The following ANTXR1 variants were observed in gnomAD, a reference collection of about 807,000 sequenced individuals.
ANTXR1 encodes anthrax toxin receptor 1.
ANTXR1 carries 19 observed loss-of-function variants against 78.1 expected under a neutral mutation model. The ratio of observed to expected loss-of-function variants is 0.24; its 90% CI spans 0.17 to 0.36. ANTXR1 has a LOEUF of 0.36. Ranked by LOEUF, ANTXR1 falls within the 10% of genes least tolerant of loss-of-function variation. ANTXR1 has a pLI of 1.00. For synonymous variants in ANTXR1, 273 were observed against 260.5 expected (o/e 1.05, Z -0.46); for missense variants, 518 against 718.6 (o/e 0.72, Z 3.19).
intron 14 of ANTXR1, among the ~76,000 whole-genome samples, chr2:69,179,371 A>G (rs1674216658): frequency 6.6e-6 from 1 of 151,766 alleles, no homozygotes; most frequent in African/African-American, 2.4e-5. Context: ...ATATGGCAAA[A>G]CCCCATCTTT....
chr2:69,062,019 G>A (rs976555977), intron 3 of ANTXR1, among the ~76,000 whole-genome samples: 1 of 152,198 alleles, frequency 6.6e-6, no homozygotes, highest in African/African-American at 2.4e-5. Flanking sequence ...CTGAATTAGA[G>A]AGAAACAAAC....
intron 13 of ANTXR1, among the ~76,000 whole-genome samples, chr2:69,155,264 G>C (rs1461074636): frequency 3.9e-5 from 6 of 152,156 alleles, no homozygotes; most frequent in Admixed American, 3.3e-4. Flanking sequence ...GTGTTTCCCA[G>C]CTTGTTCCTC....
At chr2:69,238,387 G>A (rs564285751) in intron 17 of ANTXR1, among the ~76,000 whole-genome samples, 5 of 152,116 alleles carry the variant, frequency 3.3e-5, no homozygotes, top group African/African-American at 9.7e-5. Flanking sequence ...GGACATAGCC[G>A]GCACTTAAAA....
intron 1 of ANTXR1, among the ~76,000 whole-genome samples, chr2:69,015,970 AAATC>A (rs1671013627): frequency 6.6e-6 from 1 of 152,156 alleles, no homozygotes; most frequent in Admixed American, 6.5e-5. Flanking sequence ...AGAAATGAAA[AAATC>A]AAACAATATG....
intron 1 of ANTXR1, among the ~76,000 whole-genome samples, chr2:69,033,772 T>C (rs553884266): frequency 9.7e-4 from 148 of 152,370 alleles, no homozygotes; most frequent in Non-Finnish European, 1.9e-3. Context: ...TCCTTGGTGA[T>C]GGTTCCAACT....
At chr2:69,196,797 G>T (rs745547386) in intron 17 of ANTXR1, among the ~76,000 whole-genome samples, 2 of 152,182 alleles carry the variant, frequency 1.3e-5, no homozygotes, top group Non-Finnish European at 2.9e-5. Context: ...ATTCTAAGTT[G>T]CTTCAGACAC....
chr2:69,071,695 G>A, intron 4 of ANTXR1, 59 bp from the exon 5 acceptor site: 1 of 1,556,392 alleles, frequency 6.4e-7, no homozygotes, highest in South Asian at 1.1e-5. Context: ...TATCCACTAT[G>A]GTTTTTGGAG....
At chr2:69,112,832 G>A (rs927169792) in intron 10 of ANTXR1, among the ~76,000 whole-genome samples, 1 of 152,220 alleles carries the variant, frequency 6.6e-6, no homozygotes, top group Non-Finnish European at 1.5e-5. Flanking sequence ...TGCAGAGACT[G>A]TGTTAGTGGA....
chr2:69,178,868 C>G (rs1045975875), intron 14 of ANTXR1, among the ~76,000 whole-genome samples: 1 of 152,274 alleles, frequency 6.6e-6, no homozygotes, highest in African/African-American at 2.4e-5. Context: ...ATTAGATGAG[C>G]TCCTAAAAAA....
intron 3 of ANTXR1, among the ~76,000 whole-genome samples, chr2:69,066,593 A>G (rs1670406606): frequency 1.3e-5 from 2 of 152,242 alleles, no homozygotes; most frequent in South Asian, 4.1e-4. Flanking sequence ...CTAGAACAAC[A>G]GAAAGCCCAG....
At chr2:69,226,684 A>G (rs572467299) in intron 17 of ANTXR1, among the ~76,000 whole-genome samples, 3 of 152,286 alleles carry the variant, frequency 2.0e-5, no homozygotes, top group African/African-American at 7.2e-5. Context: ...TAGAGGTCAT[A>G]CCGTTTGTCA....
chr2:69,013,225 C>T lies in ANTXR1; in HGVS notation c.-275C>T, dbSNP rs1430703578. 1.8e-6 allele frequency: 1 copy of T among 545,204 alleles called. No individual in the cohort carries two copies. The highest frequency in any genetic ancestry group is 3.3e-6 in the Non-Finnish European group (1 of 306,772). 33.8% of individuals were successfully genotyped at this position (545,204 alleles called of 1,614,324 possible). A position where few individuals can be genotyped will look rare whatever the true frequency, so the allele number is the denominator to read the frequency against. ...AAGCTCGGCGCGGCCTCGGGAGCTG[C>T]CCGGCGGCCCCGGACCGAGGCAGCC... is the stretch of plus-strand genomic sequence containing the variant. On this transcript the variant is annotated 5_prime_UTR_variant, in exon 1 of 18. Coordinates refer to ENST00000303714, the MANE Select transcript of ANTXR1 (RefSeq NM_032208.3). This position sits in a 1 kb window ranked among gnomAD's most constrained non-coding sequence, Gnocchi z 5.0.
intron 3 of ANTXR1, among the ~76,000 whole-genome samples, chr2:69,070,151 C>T (rs6727307): frequency 0.59 from 89,136 of 152,016 alleles, 26,581 homozygotes; most frequent in African/African-American, 0.69. Flanking sequence ...TCCTGGAAAG[C>T]GGAGATTCCT....
chr2:69,071,866 T>C, intron 5 of ANTXR1, 79 bp downstream of exon 5: 3 of 1,300,060 alleles, frequency 2.3e-6, no homozygotes, highest in Non-Finnish European at 3.3e-6. Flanking sequence ...CTTCAGTCAT[T>C]TCATGTTTCA....
intron 17 of ANTXR1, among the ~76,000 whole-genome samples, chr2:69,207,270 G>A (rs1674928020): frequency 6.6e-6 from 1 of 152,166 alleles, no homozygotes; most frequent in Admixed American, 6.5e-5. Flanking sequence ...TTAATAACAT[G>A]TTTAGTTCTA....
At chr2:69,036,796 T>C in intron 1 of ANTXR1, among the ~76,000 whole-genome samples, 1 of 152,212 alleles carries the variant, frequency 6.6e-6, no homozygotes, top group Admixed American at 6.5e-5. Context: ...TGGCATATCT[T>C]CTGAGGCACC....
chr2:69,125,894 C>A (rs1415875626), intron 12 of ANTXR1, among the ~76,000 whole-genome samples: 1 of 151,938 alleles, frequency 6.6e-6, no homozygotes, highest in Non-Finnish European at 1.5e-5. Flanking sequence ...TCCAAAATAA[C>A]CTTTGTCGGC....
intron 17 of ANTXR1, among the ~76,000 whole-genome samples, chr2:69,240,764 C>T (rs1024645481): frequency 1.6e-4 from 24 of 152,190 alleles, no homozygotes; most frequent in Non-Finnish European, 1.6e-4. Context: ...CTGCCACTTA[C>T]TGGCTGTGTA....
intron 13 of ANTXR1, among the ~76,000 whole-genome samples, chr2:69,169,913 T>C (rs1477165458): frequency 6.6e-6 from 1 of 152,246 alleles, no homozygotes; most frequent in African/African-American, 2.4e-5. Flanking sequence ...AATAATCTGA[T>C]ATGTGAATGA....
Sources: gnomAD v4.1 joint callset for allele counts (sites outside exome capture counted in the v4.1 genomes callset) on GRCh38, gnomAD v4.1.1 for gene constraint, Gnocchi (gnomAD v3.1) non-coding constraint, MANE v1.5 for transcripts, NCBI Gene and HGNC (gene_info 2026-07-23, HGNC 2026-07-21) for gene names.